HSPD1: variants seen among roughly 807,000 people sequenced by gnomAD.
HSPD1 encodes heat shock protein family D (Hsp60) member 1.
Under a neutral mutation model 53.0 loss-of-function variants are expected in HSPD1, and 3 were observed. That is an observed-to-expected ratio of 0.06 (90% CI 0.03 to 0.15). The LOEUF (loss-of-function observed/expected upper bound fraction) is 0.15, where lower values mean the gene tolerates loss of function less well. HSPD1 is among the 10% of genes least tolerant of loss of function. The pLI is 1.00. For missense variants in HSPD1, 431 were observed against 694.1 expected (o/e 0.62, Z 4.26); for synonymous variants, 200 against 228.0 (o/e 0.88, Z 1.10).
At position 197,486,649 on chromosome 2, in the gene HSPD1, C is replaced by A. The variant is rs1226673751; in HGVS notation, c.*397G>T. ...TAATTGGATACTTCTCTACTTTGTA[C>A]ACAATTATTCTCACTCTCCACAGAA... On this transcript the variant is annotated 3_prime_UTR_variant, in exon 12 of 12. Coordinates refer to ENST00000388968, the MANE Select transcript of HSPD1 (RefSeq NM_002156.5). 1 of 256,492 alleles carries A rather than the reference C, an allele frequency of 3.9e-6. No individual in the cohort carries two copies. Among genetic ancestry groups the A allele is most frequent in the Non-Finnish European group, 7.7e-6 (1 of 129,528 alleles). 15.9% of individuals were successfully genotyped at this position (256,492 alleles called of 1,614,324 possible).
At chr2:197,498,614 T>C (rs912080540) in intron 2 of HSPD1, 61 bp downstream of exon 2, 1 of 1,423,276 alleles carries the variant, frequency 7.0e-7, no homozygotes, top group African/African-American at 1.4e-5. Context: ...TCAGTGCGAC[T>C]ATTTGTGAGT....
Position 197,494,324 on chromosome 2 carries a change from A to G in HSPD1, c.607-74T>C, listed in dbSNP as rs1051020443. The stretch of plus-strand genomic sequence containing the variant: ...CATGGAATTACAGGCCAGATTAATA[A>G]AAACAGACCCCTCTGGCCATAAGAG... On this transcript the variant is annotated intron_variant, in intron 5 of 11. Transcript: ENST00000388968. The G allele has an allele frequency of 2.7e-5, 22 of 814,250 alleles. No individual in the cohort carries two copies. In the African/African-American group the frequency reaches 2.8e-4, roughly 11 times the overall value. 50.4% of individuals were successfully genotyped at this position (814,250 alleles called of 1,614,324 possible).
At chr2:197,494,803 C>CA (rs1349755658) in intron 4 of HSPD1, 51 bp from the exon 5 acceptor site, 2 of 1,184,720 alleles carry the variant, frequency 1.7e-6, no homozygotes, top group Non-Finnish European at 2.5e-6. Flanking sequence ...CTAGTGTCCT[C>CA]AGTCAGTTCC....
intron 3 of HSPD1, among the ~76,000 whole-genome samples, chr2:197,496,213 A>T (rs1371227040): frequency 2.0e-5 from 3 of 152,224 alleles, no homozygotes; most frequent in Non-Finnish European, 4.4e-5. Flanking sequence ...CATTTTGCTC[A>T]ATTGGGAATA....
intron 6 of HSPD1, among the ~76,000 whole-genome samples, chr2:197,493,908 C>G (rs1333447412): frequency 6.6e-6 from 1 of 151,974 alleles, no homozygotes; most frequent in Non-Finnish European, 1.5e-5. Context: ...AAGAGACCAG[C>G]CTGGCCAACA....
chr2:197,489,286 A>G (rs2086062527), intron 8 of HSPD1, 39 bp from the exon 9 acceptor site: 2 of 1,610,634 alleles, frequency 1.2e-6, no homozygotes, highest in South Asian at 1.1e-5. Flanking sequence ...TGTAGGTTAC[A>G]GTTTCTGCCA....
intron 4 of HSPD1, 54 bp from the exon 5 acceptor site, chr2:197,494,806 TCAGTTC>T: frequency 8.7e-7 from 1 of 1,149,760 alleles, no homozygotes; most frequent in South Asian, 1.2e-5. Context: ...GTGTCCTCAG[TCAGTTC>T]CCTTACCTTT....
intron 7 of HSPD1, 158 bp from the exon 8 acceptor site, chr2:197,490,454 C>A: frequency 1.6e-6 from 1 of 633,620 alleles, no homozygotes. Flanking sequence ...AATTTTTGAT[C>A]AAATTAAGAC....
intron 7 of HSPD1, among the ~76,000 whole-genome samples, chr2:197,492,330 C>T (rs1275907349): frequency 1.3e-5 from 2 of 152,012 alleles, no homozygotes; most frequent in Admixed American, 6.5e-5. Flanking sequence ...GCTGGGATTA[C>T]AGGCACACGC....
In HSPD1 at chr2:197,497,260, T is replaced by C; in HGVS notation, c.307A>G (p.Asn103Asp). Residue 103 changes from asparagine to aspartate, a missense_variant, in exon 3 of 12, where the codon AAT (asparagine) becomes GAT (aspartate). By Grantham distance (23) the Asn-to-Asp change is conservative (BLOSUM62 1). Transcript: ENST00000388968. ...TCCCCAGCTTCTTCATTTGTGTTAT[T>C]GGCAACATCTTGAACAAGTTTAGCT... Reference protein sequence around the residue: ...IGAKLVQDVANNTNEEAGDGT... With the variant: ...IGAKLVQDVADNTNEEAGDGT... 1.2e-6 allele frequency: 2 copies of C among 1,614,166 alleles called. No individual in the cohort carries two copies. The highest frequency in any genetic ancestry group is 1.3e-5 in the African/African-American group (1 of 75,080).
intron 1 of HSPD1, 38 bp from the exon 2 acceptor site, chr2:197,498,888 C>T (rs2086197269): frequency 2.5e-6 from 4 of 1,582,630 alleles, no homozygotes; most frequent in Non-Finnish European, 3.5e-6. Context: ...GAACTACCAC[C>T]CGTGGTGCGC....
intron 3 of HSPD1, among the ~76,000 whole-genome samples, chr2:197,496,334 C>T (rs2340689): frequency 0.15 from 23,483 of 152,132 alleles, 2,060 homozygotes; most frequent in Middle Eastern, 0.28. Context: ...TACAGTAAAA[C>T]TGCTTTTAGT....
At chr2:197,499,050 C>G (rs1403635404) in intron 1 of HSPD1, 200 bp from the exon 2 acceptor site, 2 of 634,244 alleles carry the variant, frequency 3.2e-6, no homozygotes, top group South Asian at 1.9e-5. Context: ...CCGCCCCGGC[C>G]GGCGCCTGAC....
chr2:197,499,103 C>A, intron 1 of HSPD1: 2 of 558,030 alleles, frequency 3.6e-6, no homozygotes, highest in South Asian at 2.0e-5. Context: ...TTCCCCACGG[C>A]CACCTATCCC....
intron 1 of HSPD1, chr2:197,499,447 GA>G: frequency 1.3e-5 from 2 of 155,190 alleles, no homozygotes; most frequent in East Asian, 1.9e-4. Flanking sequence ...GCCTGCGGGG[GA>G]AAAAAGCGGT....
At chr2:197,490,098 CAGAT>C in intron 8 of HSPD1, 95 bp downstream of exon 8, 1 of 925,636 alleles carries the variant, frequency 1.1e-6, no homozygotes, top group Non-Finnish European at 1.8e-6. Context: ...CCAAAAGAAA[CAGAT>C]AGTTGTAGTA....
At chr2:197,487,569 G>A (rs788016) in intron 11 of HSPD1, among the ~76,000 whole-genome samples, 63,882 of 152,034 alleles carry the variant, frequency 0.42, 14,007 homozygotes, top group South Asian at 0.56. Context: ...ATCTTGGAAA[G>A]TATTCTTACT....
intron 2 of HSPD1, 179 bp from the exon 3 acceptor site, chr2:197,497,571 C>A: frequency 1.6e-6 from 1 of 638,450 alleles, no homozygotes; most frequent in Non-Finnish European, 2.8e-6. Context: ...TGTCTACAGA[C>A]AAAATGACCT....
chr2:197,489,288 T>C (rs1231336298), intron 8 of HSPD1, 41 bp from the exon 9 acceptor site: 2 of 1,609,872 alleles, frequency 1.2e-6, no homozygotes, highest in Non-Finnish European at 1.7e-6. Flanking sequence ...TAGGTTACAG[T>C]TTCTGCCATT....
Sources: allele counts gnomAD v4.1 joint callset (sites outside exome capture counted in the v4.1 genomes callset), GRCh38; gene constraint gnomAD v4.1.1; transcripts MANE v1.5; gene names NCBI Gene and HGNC (gene_info 2026-07-23, HGNC 2026-07-21).